Variants in PDK2 observed in about 807,000 individuals in gnomAD.
The protein encoded by PDK2 is pyruvate dehydrogenase kinase, isozyme 2.
A neutral mutation model predicts 50.4 loss-of-function variants in PDK2; 34 were observed. The observed-to-expected ratio is 0.68, with a 90% CI of 0.51 to 0.90. The LOEUF is 0.90. PDK2 is among the 40% of genes least tolerant of loss of function. The pLI is 0.00. For missense variants in PDK2, 377 were observed against 544.5 expected, an observed-to-expected ratio of 0.69 and a Z score of 3.06; for synonymous variants, 232 against 216.0, an observed-to-expected ratio of 1.07 and a Z score of -0.65.
At chr17:50,102,954 A>C (rs753675435) in intron 2 of PDK2, among the ~76,000 whole-genome samples, 1 of 152,194 alleles carries the variant, frequency 6.6e-6, no homozygotes, top group Non-Finnish European at 1.5e-5. Flanking sequence ...GCTGCTTACT[A>C]TGTGGCCTGG....
chr17:50,109,820 G>A lies in PDK2; in HGVS notation c.1084-137G>A, dbSNP rs1785050976. 3 of 979,970 alleles carry A rather than the reference G, an allele frequency of 3.1e-6. No homozygotes were observed. Among genetic ancestry groups the A allele is most frequent in the Non-Finnish European group, 2.9e-6 (2 of 685,866 alleles). 60.7% of individuals were successfully genotyped at this position (979,970 alleles called of 1,614,324 possible). On this transcript the variant is annotated intron_variant, in intron 10 of 10. Transcript: ENST00000503176. This position sits in a 1 kb window ranked among gnomAD's most constrained non-coding sequence, Gnocchi z 5.0. ...CTTGAATGGGCAGGAGCGGGACACAGGAGGGACCACCCTTTTGTGGTCTTT... is the reference window on the plus strand; with the variant it reads ...CTTGAATGGGCAGGAGCGGGACACAAGAGGGACCACCCTTTTGTGGTCTTT...
rs775786718 is a variant in PDK2, at chr17:50,109,367, A to G, written c.1050A>G (p.Glu350=). 7.4e-6 allele frequency: 12 copies of G among 1,613,230 alleles called. No individual in the cohort carries two copies. The Admixed American group carries it at 8.3e-5, about 11-fold the overall frequency. The change falls in exon 10 of 11, where the codon GAA becomes GAG. Residue 350 remains glutamate (E), a synonymous_variant. Transcript: ENST00000503176. The surrounding 1 kb of genome is among the most constrained non-coding windows in gnomAD (Gnocchi z 5.0). The part of the protein sequence containing the change: ...FQGDLQLFSM[E]GFGTDAVIYL... ...GAGACCTGCAGCTCTTCTCCATGGA[A>G]GGCTTTGGGACCGATGCTGTCATCT... is the stretch of plus-strand genomic sequence containing the variant.
rs1158264427 is a variant in PDK2, at chr17:50,106,672, T to G, written c.518-122T>G. On this transcript the variant is annotated intron_variant, in intron 4 of 10. Transcript: ENST00000503176. Reference sequence around the variant, plus strand: ...CAGAAGCGGGGGAGTGGGGCAGCTTTAGGACTGGAGCCTACAGAGGCATTG... The same window carrying G: ...CAGAAGCGGGGGAGTGGGGCAGCTTGAGGACTGGAGCCTACAGAGGCATTG... The G allele has an allele frequency of 3.8e-6, 3 of 797,342 alleles. No homozygotes were observed. The African/African-American group carries it at 5.1e-5, about 14-fold the overall frequency. 49.4% of individuals were successfully genotyped at this position (797,342 alleles called of 1,614,324 possible).
Position 50,109,062 on chromosome 17 carries a change from G to A in PDK2, c.970-225G>A, listed in dbSNP as rs577691071. Among the ~76,000 whole-genome samples, 18 of 152,118 alleles carry A rather than the reference G, an allele frequency of 1.2e-4. No homozygotes were observed. The highest frequency in any genetic ancestry group is 3.4e-3 in the Middle Eastern group (1 of 294). Reference sequence around the variant, plus strand: ...TGCTCTGACTTCCTGGCCCCTGAGCGGAACTCCTCTCTCTGCCCAAGCCTC... The same window carrying A: ...TGCTCTGACTTCCTGGCCCCTGAGCAGAACTCCTCTCTCTGCCCAAGCCTC... On this transcript the variant is annotated intron_variant, in intron 9 of 10. Coordinates refer to ENST00000503176, the MANE Select transcript of PDK2 (RefSeq NM_002611.5). The surrounding 1 kb of genome is among the most constrained non-coding windows in gnomAD (Gnocchi z 5.0).
intron 2 of PDK2, among the ~76,000 whole-genome samples, chr17:50,102,403 TG>T (rs1474552875): frequency 2.6e-5 from 4 of 152,182 alleles, no homozygotes; most frequent in African/African-American, 9.7e-5. Context: ...TGCCAGCAGC[TG>T]GGGCACTCTC....
chr17:50,105,933 G>A lies in PDK2; in HGVS notation c.381G>A (p.Val127=), dbSNP rs1910485621. 1 of 1,613,566 alleles carries A rather than the reference G, an allele frequency of 6.2e-7. No individual in the cohort carries two copies. The highest frequency in any genetic ancestry group is 8.5e-7 in the Non-Finnish European group (1 of 1,179,772). Residue 127 remains valine (V), a synonymous_variant, in exon 4 of 11, where the codon GTG becomes GTA. Transcript: ENST00000503176. ...VTIRNRHNDV[V]PTMAQGVLEY... is the part of the protein sequence containing the mutation. ...TCCGGAACCGGCACAACGACGTGGT[G>A]CCCACCATGGCACAAGGCGTGCTTG...
chr17:50,108,481 A>G, intron 8 of PDK2, 64 bp downstream of exon 8: 1 of 1,451,340 alleles, frequency 6.9e-7, no homozygotes. Flanking sequence ...CTGCCAGGAG[A>G]CGGGCTTTCC....
Position 50,108,137 on chromosome 17 carries a change from G to T in PDK2, c.686-19G>T, listed in dbSNP as rs974556290. On this transcript the variant is annotated intron_variant, in intron 6 of 10. Transcript: ENST00000503176. ...CCTCCTGACGGTTTCCTGACCCTTG[G>T]TCTTGACTTGCCCTGTAGCAGCCAA... 2.5e-6 allele frequency: 4 copies of T among 1,577,374 alleles called. No individual in the cohort carries two copies. Among genetic ancestry groups the T allele is most frequent in the Non-Finnish European group, 1.7e-6 (2 of 1,159,230 alleles).
rs1173550418 is a variant in PDK2, at chr17:50,101,655, T to TG, written c.261-3715dup. Among the ~76,000 whole-genome samples, 1 of 152,114 alleles carries TG rather than the reference T, an allele frequency of 6.6e-6. No homozygotes were observed. The highest frequency in any genetic ancestry group is 1.5e-5 in the Non-Finnish European group (1 of 68,004). ...TCCCCCGCTGGCTCAGCACCCCCTCTGCTCCCACACAGGGCTGCAGGGCCC... is the reference window on the plus strand; with the variant it reads ...TCCCCCGCTGGCTCAGCACCCCCTCTGGCTCCCACACAGGGCTGCAGGGCCC... On this transcript the variant is annotated intron_variant, in intron 2 of 10. Transcript: ENST00000503176. This position sits in a 1 kb window ranked among gnomAD's most constrained non-coding sequence, Gnocchi z 4.2.
At chr17:50,102,764 C>T (rs761364763) in intron 2 of PDK2, among the ~76,000 whole-genome samples, 1 of 152,120 alleles carries the variant, frequency 6.6e-6, no homozygotes, top group African/African-American at 2.4e-5. Flanking sequence ...GCGCCCACCT[C>T]TGGGGTTCTT....
intron 9 of PDK2, 54 bp downstream of exon 9, chr17:50,108,773 C>T: frequency 1.8e-6 from 2 of 1,086,408 alleles, no homozygotes; most frequent in Non-Finnish European, 2.8e-6. Flanking sequence ...CTTCTCTCCT[C>T]ACTCACTTCC....
rs1165689296 is a variant in PDK2, at chr17:50,105,971, C to T, written c.419C>T (p.Thr140Ile). ...MAQGVLEYKD[T>I]YGDDPVSNQN... ...CAAGGCGTGCTTGAGTACAAGGACA[C>T]CTACGGCGATGACCCCGTCTCCAAC... Residue 140 changes from threonine to isoleucine, a missense_variant, in exon 4 of 11, where the codon ACC (threonine) becomes ATC (isoleucine). Thr to Ile is a moderately conservative substitution (Grantham distance 89, BLOSUM62 -1). Around this residue, in one of 3 missense-constraint regions of PDK2, gnomAD observed 63 missense variants for 135.1 expected, o/e 0.47. Transcript: ENST00000503176. 1 of 1,612,746 alleles carries T rather than the reference C, an allele frequency of 6.2e-7. No homozygotes were observed. The highest frequency in any genetic ancestry group is 1.3e-5 in the African/African-American group (1 of 75,026).
chr17:50,105,374 T>C lies in PDK2; in HGVS notation c.264T>C (p.Tyr88=), dbSNP rs766561596. 7 of 1,609,122 alleles carry C rather than the reference T, an allele frequency of 4.4e-6. No individual in the cohort carries two copies. The African/African-American group carries it at 6.7e-5, about 15-fold the overall frequency. ...TPSVQLVQSW[Y]VQSLLDIMEF... is the part of the protein sequence containing the mutation. ...GTCCCCTCCCGCCCCCACACAGGTA[T>C]GTCCAGAGCCTCCTGGACATCATGG... Residue 88 remains tyrosine (Y), a synonymous_variant, in exon 3 of 11, where the codon TAT becomes TAC. Transcript: ENST00000503176.
chr17:50,110,224 A>G lies in PDK2; in HGVS notation c.*127A>G, dbSNP rs1327439622. On this transcript the variant is annotated 3_prime_UTR_variant, in exon 11 of 11. Transcript: ENST00000503176. ...TCCCTGATGACCAGGTTCTGTCTCT[A>G]TGGAAGTCACTGCGGTGATAGGTCT... The G allele has an allele frequency of 9.3e-6, 10 of 1,074,524 alleles. No homozygotes were observed. Among genetic ancestry groups the G allele is most frequent in the South Asian group, 1.7e-5 (1 of 58,630 alleles). 66.6% of individuals were successfully genotyped at this position (1,074,524 alleles called of 1,614,324 possible).
At position 50,110,125 on chromosome 17, in the gene PDK2, G is replaced by T; in HGVS notation, c.*28G>T. 1 of 1,563,662 alleles carries T rather than the reference G, an allele frequency of 6.4e-7. No homozygotes were observed. Among genetic ancestry groups the T allele is most frequent in the Non-Finnish European group, 8.7e-7 (1 of 1,149,468 alleles). ...GCCGCCGTGCATCTGCACCTGAGAG[G>T]ACGGACTGCCGCCTCTGGGTCCCCC... On this transcript the variant is annotated 3_prime_UTR_variant, in exon 11 of 11. Transcript: ENST00000503176.
rs1031245764 is a variant in PDK2 at position 50,101,307 on chromosome 17, G to A, written c.260+3743G>A. Among the ~76,000 whole-genome samples, 2 of 152,116 alleles carry A rather than the reference G, an allele frequency of 1.3e-5. No individual in the cohort carries two copies. Among genetic ancestry groups the A allele is most frequent in the Non-Finnish European group, 2.9e-5 (2 of 68,036 alleles). On this transcript the variant is annotated intron_variant, in intron 2 of 10. Coordinates refer to ENST00000503176, the MANE Select transcript of PDK2 (RefSeq NM_002611.5). This position sits in a 1 kb window ranked among gnomAD's most constrained non-coding sequence, Gnocchi z 4.2. ...CCGAGCAGGACCGACCACTTACTGC[G>A]CATGTACTCGAGGCATCATCTTTTC... is the stretch of plus-strand genomic sequence containing the variant.
At chr17:50,096,426 G>A in intron 1 of PDK2, 1 of 466,218 alleles carries the variant, frequency 2.1e-6, no homozygotes, top group Non-Finnish European at 2.8e-6. Flanking sequence ...GGGGACTGGG[G>A]GTGGGGGGCA....
In PDK2 at chr17:50,110,074, A is replaced by G; in HGVS notation, c.1201A>G (p.Thr401Ala). The change falls in exon 11 of 11, where the codon ACG becomes GCG. Residue 401 changes from threonine (T) to alanine (A), a missense_variant. Thr to Ala is a moderately conservative substitution (Grantham distance 58). Around this residue, in one of 3 missense-constraint regions of PDK2, gnomAD observed 214 missense variants for 294.0 expected, o/e 0.73. Transcript: ENST00000503176. ...WCVPSTEPKN[T>A]STYRVS ...TGTGCCCAGCACGGAGCCCAAGAAC[A>G]CGTCCACGTACCGCGTCAGCTAAGG... 1 of 1,609,608 alleles carries G rather than the reference A, an allele frequency of 6.2e-7. No homozygotes were observed. Among genetic ancestry groups the G allele is most frequent in the South Asian group, 1.1e-5 (1 of 90,428 alleles).
At chr17:50,103,767 G>A (rs992982522) in intron 2 of PDK2, among the ~76,000 whole-genome samples, 9 of 152,196 alleles carry the variant, frequency 5.9e-5, no homozygotes, top group African/African-American at 9.7e-5. Context: ...GAACAGAAGC[G>A]TGGAGGTGAG....
Sources: gnomAD v4.1 joint callset for allele counts (sites outside exome capture counted in the v4.1 genomes callset) on GRCh38, gnomAD v4.1.1 for gene constraint, gnomAD v4.1.1 regional missense constraint, Gnocchi (gnomAD v3.1) non-coding constraint, MANE v1.5 for transcripts, NCBI Gene and HGNC (gene_info 2026-07-23, HGNC 2026-07-21) for gene names.